HDAC9: variants seen among roughly 807,000 people sequenced by gnomAD.
The protein encoded by HDAC9 is MEF-2 interacting transcription repressor (MITR) protein.
HDAC9 carries 41 observed loss-of-function variants against 139.4 expected under a neutral mutation model. The ratio of observed to expected loss-of-function variants is 0.29; its 90% confidence interval spans 0.23 to 0.38. HDAC9 has a LOEUF of 0.38. Ranked by LOEUF, HDAC9 falls within the 10% of genes least tolerant of loss-of-function variation. HDAC9 has a pLI of 1.00. For synonymous variants in HDAC9, 517 were observed against 476.2 expected, an observed-to-expected ratio of 1.09 and a Z score of -1.12; for missense variants, 1,147 against 1,297.0, an observed-to-expected ratio of 0.88 and a Z score of 1.78.
intron 17 of HDAC9, among the ~76,000 whole-genome samples, chr7:18,800,173 C>G (rs901395699): frequency 6.6e-6 from 1 of 152,140 alleles, no homozygotes; most frequent in Non-Finnish European, 1.5e-5. Context: ...ATCTGTCCTT[C>G]AAAAATGATG....
intron 6 of HDAC9, among the ~76,000 whole-genome samples, chr7:18,596,632 C>T (rs146850747): frequency 6.6e-6 from 1 of 152,184 alleles, no homozygotes; most frequent in African/African-American, 2.4e-5. Flanking sequence ...CTACATCATA[C>T]TAAATGAAAT....
chr7:18,320,692 C>G (rs1799961571), intron 1 of HDAC9, among the ~76,000 whole-genome samples: 1 of 152,070 alleles, frequency 6.6e-6, no homozygotes, highest in Non-Finnish European at 1.5e-5. Context: ...TAATTATGTC[C>G]TTTAGTGAAT....
At chr7:18,351,094 G>A (rs939584800) in intron 1 of HDAC9, among the ~76,000 whole-genome samples, 18 of 151,894 alleles carry the variant, frequency 1.2e-4, no homozygotes, top group African/African-American at 1.2e-4. Flanking sequence ...TTTAGTAGTC[G>A]GCTGTAAATA....
intron 2 of HDAC9, among the ~76,000 whole-genome samples, chr7:18,583,037 CTTTTA>C (rs1454937655): frequency 6.6e-6 from 1 of 151,946 alleles, no homozygotes; most frequent in East Asian, 1.9e-4. Context: ...TTGTTGCATT[CTTTTA>C]TTTGTTTTGA....
At chr7:18,428,717 T>G (rs1585829470) in intron 1 of HDAC9, among the ~76,000 whole-genome samples, 1 of 152,184 alleles carries the variant, frequency 6.6e-6, no homozygotes, top group Non-Finnish European at 1.5e-5. Flanking sequence ...ACCATGTCTC[T>G]TCTCTGCTCA....
chr7:18,871,862 A>C (rs550919998), intron 21 of HDAC9, among the ~76,000 whole-genome samples: 1 of 152,284 alleles, frequency 6.6e-6, no homozygotes, highest in Admixed American at 6.5e-5. Flanking sequence ...TTTATCAGAG[A>C]GGAGAACAAG....
chr7:18,507,389 T>A (rs957875232), intron 2 of HDAC9, among the ~76,000 whole-genome samples: 1 of 151,552 alleles, frequency 6.6e-6, no homozygotes, highest in African/African-American at 2.4e-5. Flanking sequence ...GAGACGGGGT[T>A]TCACCATGTT....
At chr7:18,447,809 A>T (rs1232925607) in intron 1 of HDAC9, among the ~76,000 whole-genome samples, 1 of 152,184 alleles carries the variant, frequency 6.6e-6, no homozygotes, top group East Asian at 1.9e-4. Flanking sequence ...TATTCCTATT[A>T]GAATATACAA....
intron 1 of HDAC9, among the ~76,000 whole-genome samples, chr7:18,133,655 GT>G (rs1276611118): frequency 6.6e-6 from 1 of 152,102 alleles, no homozygotes; most frequent in Non-Finnish European, 1.5e-5. Flanking sequence ...ATGGGCTCGA[GT>G]TTTGTTGGTT....
chr7:18,318,147 T>C (rs1000404082), intron 1 of HDAC9, among the ~76,000 whole-genome samples: 1 of 152,166 alleles, frequency 6.6e-6, no homozygotes, highest in Non-Finnish European at 1.5e-5. Flanking sequence ...GGTGTTAGAA[T>C]GGGATGGTTT....
intron 14 of HDAC9, among the ~76,000 whole-genome samples, chr7:18,756,514 T>C (rs2129152269): frequency 6.6e-6 from 1 of 152,352 alleles, no homozygotes; most frequent in Middle Eastern, 3.4e-3. Flanking sequence ...CTCAGTAATT[T>C]ATCATTGCAA....
chr7:18,874,004 T>C (rs1222227322), intron 21 of HDAC9, among the ~76,000 whole-genome samples: 1 of 151,432 alleles, frequency 6.6e-6, no homozygotes, highest in Non-Finnish European at 1.5e-5. Flanking sequence ...TAAAAATGTT[T>C]TTTTTTTTTT....
intron 1 of HDAC9, among the ~76,000 whole-genome samples, chr7:18,089,291 C>T (rs1291851769): frequency 6.6e-6 from 1 of 151,994 alleles, no homozygotes; most frequent in African/African-American, 2.4e-5. Flanking sequence ...GAGAGTCAGA[C>T]CAGCACTCTG....
intron 17 of HDAC9, among the ~76,000 whole-genome samples, chr7:18,803,767 A>C (rs1793489326): frequency 1.3e-5 from 2 of 152,108 alleles, no homozygotes; most frequent in Non-Finnish European, 2.9e-5. Context: ...GATTTTACTC[A>C]GTCAAGTTGT....
At chr7:18,934,879 A>T (rs996411539) in intron 22 of HDAC9, among the ~76,000 whole-genome samples, 1 of 152,184 alleles carries the variant, frequency 6.6e-6, no homozygotes, top group African/African-American at 2.4e-5. Context: ...ACGACAAAAA[A>T]ACTGGAATTT....
chr7:18,113,664 CTTA>C, intron 1 of HDAC9, among the ~76,000 whole-genome samples: 1 of 152,314 alleles, frequency 6.6e-6, no homozygotes, highest in East Asian at 1.9e-4. Flanking sequence ...TTAACACACT[CTTA>C]TTTGTATATG....
intron 2 of HDAC9, among the ~76,000 whole-genome samples, chr7:18,265,312 C>G (rs900721226): frequency 2.0e-5 from 3 of 152,132 alleles, no homozygotes; most frequent in African/African-American, 7.2e-5. Context: ...ATGATATGCA[C>G]AAAAATATTG....
At chr7:18,533,447 C>A (rs575262907) in intron 2 of HDAC9, among the ~76,000 whole-genome samples, 3 of 152,040 alleles carry the variant, frequency 2.0e-5, no homozygotes, top group African/African-American at 4.8e-5. Flanking sequence ...TTTTTACATA[C>A]CTGAAAATGT....
intron 22 of HDAC9, among the ~76,000 whole-genome samples, chr7:18,893,509 C>T (rs1286048020): frequency 1.3e-5 from 2 of 152,120 alleles, no homozygotes; most frequent in Non-Finnish European, 2.9e-5. Context: ...ACTGTGCTGT[C>T]TAAAATGGTA....
Sources: allele counts gnomAD v4.1 joint callset (sites outside exome capture counted in the v4.1 genomes callset), GRCh38; gene constraint gnomAD v4.1.1; transcripts MANE v1.5; gene names NCBI Gene and HGNC (gene_info 2026-07-23, HGNC 2026-07-21).